Variants in DNAH2 observed in about 807,000 individuals in gnomAD.
DNAH2 encodes dynein axonemal heavy chain 2.
Under a neutral mutation model 523.5 loss-of-function variants are expected in DNAH2, and 323 were observed. The ratio of observed to expected loss-of-function variants is 0.62; its 90% CI spans 0.56 to 0.68. The LOEUF is 0.68. Among genes scored for constraint, DNAH2 ranks in the 30% least tolerant of loss-of-function variants. The pLI, the probability that DNAH2 is intolerant of heterozygous loss-of-function variation, is 0.00. For synonymous variants in DNAH2, 2,093 were observed against 2,177.4 expected, an observed-to-expected ratio of 0.96 and a Z score of 1.08; for missense variants, 4,907 against 5,701.5, an observed-to-expected ratio of 0.86 and a Z score of 4.49.
chr17:7,742,860 C>T, intron 11 of DNAH2, 68 bp from the exon 12 acceptor site: 1 of 1,217,062 alleles, frequency 8.2e-7, no homozygotes, highest in Admixed American at 3.3e-5. Context: ...GTGTAGGTCT[C>T]AGGGAGATGG....
chr17:7,821,173 A>G lies in DNAH2; in HGVS notation c.11016-70A>G. The G allele has an allele frequency of 1.3e-6, 2 of 1,563,626 alleles. No individual in the cohort carries two copies. The highest frequency in any genetic ancestry group is 1.7e-6 in the Non-Finnish European group (2 of 1,150,540). On this transcript the variant is annotated intron_variant, in intron 72 of 85. Transcript: ENST00000572933. This position sits in a 1 kb window ranked among gnomAD's most constrained non-coding sequence, Gnocchi z 5.0. ...TGTGAAGCTGTGTGATAGTAGCATC[A>G]TAGCATTCGCATGGAGCATCAGCCC...
chr17:7,760,077 G>T lies in DNAH2; in HGVS notation c.2785+139G>T, dbSNP rs2075963049. On this transcript the variant is annotated intron_variant, in intron 17 of 85. Coordinates refer to ENST00000572933, the MANE Select transcript of DNAH2 (RefSeq NM_020877.5). This position sits in a 1 kb window ranked among gnomAD's most constrained non-coding sequence, Gnocchi z 4.0. ...TGACCTGGGGAAAACTCAGGTCAAG[G>T]GGCCAGATCGGCTGGCACAGTGGCT... The T allele has an allele frequency of 7.6e-7, 1 of 1,312,812 alleles. No homozygotes were observed. Among genetic ancestry groups the T allele is most frequent in the Admixed American group, 1.9e-5 (1 of 52,738 alleles). 81.3% of individuals were successfully genotyped at this position (1,312,812 alleles called of 1,614,324 possible).
intron 48 of DNAH2, 97 bp from the exon 49 acceptor site, chr17:7,794,156 CA>C: frequency 1.3e-6 from 1 of 785,358 alleles, no homozygotes; most frequent in South Asian, 2.1e-5. Flanking sequence ...TCCCTCCTCG[CA>C]CTGTTTTCCT....
At chr17:7,744,611 G>A (rs1380760122) in intron 12 of DNAH2, among the ~76,000 whole-genome samples, 7 of 152,162 alleles carry the variant, frequency 4.6e-5, no homozygotes, top group Non-Finnish European at 2.9e-5. Context: ...TGGCTAGGTC[G>A]AGAGGTTTGA....
Position 7,832,464 on chromosome 17 carries a change from G to C in DNAH2, c.12727-115G>C, listed in dbSNP as rs933570947. On this transcript the variant is annotated intron_variant, in intron 82 of 85. Transcript: ENST00000572933. The surrounding 1 kb of genome is among the most constrained non-coding windows in gnomAD (Gnocchi z 4.3). ...GTGGAGGTTGCAGTGAGCCAAGATC[G>C]TACCACTGCACTCCAGCCTGGGGGA... 3.9e-6 allele frequency: 5 copies of C among 1,286,818 alleles called. No homozygotes were observed. In the Admixed American group the frequency reaches 1.0e-4, roughly 26 times the overall value. The allele number at this position is 1,286,818 out of a possible 1,614,324, so 79.7% of individuals were successfully genotyped here.
rs778841996 is a variant in DNAH2 at position 7,784,434 on chromosome 17, T to C, written c.6130-1690T>C. Among the ~76,000 whole-genome samples, 81 of 152,148 alleles carry C rather than the reference T, an allele frequency of 5.3e-4. 1 individual carries two copies. Among genetic ancestry groups the C allele is most frequent in the Admixed American group, 6.5e-4 (10 of 15,278 alleles). On this transcript the variant is annotated intron_variant, in intron 39 of 85. Coordinates refer to ENST00000572933, the MANE Select transcript of DNAH2 (RefSeq NM_020877.5). ...GGCTCATGCCTGTAGCCCCAGGACT[T>C]TGGGAGGCCAAGGTGGGAGGATTAC...
Position 7,818,958 on chromosome 17 carries a change from GC to G in DNAH2, c.10711del (p.Gln3571SerfsTer3). On this transcript the variant is annotated frameshift_variant, in exon 71 of 86. Coordinates refer to ENST00000572933, the MANE Select transcript of DNAH2 (RefSeq NM_020877.5). LOFTEE classifies it high-confidence loss of function. ...EATGSLLDDV[Q>X]LVNTLHTSKI... ...CCACCGGCTCCCTGCTGGATGATGT[GC>G]AGCTGGTGAACACGCTGCATACCTC... 6.2e-7 allele frequency: 1 copy of G among 1,612,434 alleles called. No homozygotes were observed. Among genetic ancestry groups the G allele is most frequent in the Non-Finnish European group, 8.5e-7 (1 of 1,179,906 alleles).
At chr17:7,740,305 T>C in intron 9 of DNAH2, 115 bp from the exon 10 acceptor site, 3 of 1,485,740 alleles carry the variant, frequency 2.0e-6, no homozygotes. Context: ...GTACTTGGAG[T>C]GCCTGGCACA....
Position 7,770,446 on chromosome 17 carries a change from G to A in DNAH2, c.4098+38G>A, listed in dbSNP as rs770716515. ...CCTCCCATGCTCCCACACCTCCTGCGCCTCCTGGAGCACAGGCTCCAGCTG... is the reference window on the plus strand; with the variant it reads ...CCTCCCATGCTCCCACACCTCCTGCACCTCCTGGAGCACAGGCTCCAGCTG... On this transcript the variant is annotated intron_variant, in intron 25 of 85. Coordinates refer to ENST00000572933, the MANE Select transcript of DNAH2 (RefSeq NM_020877.5). 6.7e-5 allele frequency: 108 copies of A among 1,611,704 alleles called. 1 individual carries two copies. Among genetic ancestry groups the A allele is most frequent in the South Asian group, 5.3e-4 (48 of 90,808 alleles).
intron 49 of DNAH2, 136 bp from the exon 50 acceptor site, chr17:7,796,328 C>A: frequency 1.1e-6 from 1 of 931,440 alleles, no homozygotes; most frequent in Non-Finnish European, 1.6e-6. Flanking sequence ...GGATTACAGG[C>A]ATGAGCCACC....
chr17:7,788,077 C>A lies in DNAH2; in HGVS notation c.6742-9C>A. 1 of 1,613,936 alleles carries A rather than the reference C, an allele frequency of 6.2e-7. No homozygotes were observed. The highest frequency in any genetic ancestry group is 1.3e-5 in the African/African-American group (1 of 75,044). On this transcript the variant is annotated splice_polypyrimidine_tract_variant and intron_variant, in intron 43 of 85. Coordinates refer to ENST00000572933, the MANE Select transcript of DNAH2 (RefSeq NM_020877.5). ...GGTGAATGAAGAGCCCCTTCTTATT[C>A]AACTCCAGGCTGAGGTGGAGCCCCT...
Position 7,816,639 on chromosome 17 carries a change from C to T in DNAH2, c.9798C>T (p.Arg3266=). ...AGCTGGCACAGAAGGAGGAGCTTCG[C>T]AAGAAGTCTGAAGAGATGGAGCTGA... ...DEKLAQKEEL[R]KKSEEMELKL... The change falls in exon 64 of 86, where the codon CGC becomes CGT. Residue 3266 remains arginine, a synonymous_variant. Coordinates refer to ENST00000572933, the MANE Select transcript of DNAH2 (RefSeq NM_020877.5). 6.2e-7 allele frequency: 1 copy of T among 1,614,232 alleles called. No individual in the cohort carries two copies. The highest frequency in any genetic ancestry group is 2.2e-5 in the East Asian group (1 of 44,886).
chr17:7,799,697 A>G (rs1482631295), intron 56 of DNAH2, among the ~76,000 whole-genome samples: 1 of 152,150 alleles, frequency 6.6e-6, no homozygotes. Flanking sequence ...GGGCGCCTGT[A>G]GTCCCAGCTA....
chr17:7,732,667 A>T (rs1255567138), intron 4 of DNAH2, among the ~76,000 whole-genome samples: 1 of 152,202 alleles, frequency 6.6e-6, no homozygotes, highest in African/African-American at 2.4e-5. Flanking sequence ...GGAGAAATAT[A>T]TGCAACCAAA....
chr17:7,787,138 G>C (rs965713110), intron 42 of DNAH2, 105 bp downstream of exon 42: 72 of 1,425,610 alleles, frequency 5.1e-5, no homozygotes, highest in Non-Finnish European at 6.4e-5. Context: ...GGCAGGTTCT[G>C]TGGGAGAGAG....
intron 44 of DNAH2, among the ~76,000 whole-genome samples, chr17:7,789,579 CT>C (rs58735826): frequency 7.2e-4 from 101 of 140,632 alleles, no homozygotes; most frequent in Middle Eastern, 3.6e-3. Flanking sequence ...GAGGAATACT[CT>C]TTTTTTTTTT....
chr17:7,733,897 G>A (rs896966828), intron 5 of DNAH2, among the ~76,000 whole-genome samples: 12 of 152,328 alleles, frequency 7.9e-5, no homozygotes, highest in African/African-American at 2.9e-4. Context: ...TATAGGTGCT[G>A]TGGGGACACT....
Position 7,818,923 on chromosome 17 carries a change from C to T in DNAH2, c.10675C>T (p.Leu3559=). The T allele has an allele frequency of 1.9e-6, 3 of 1,611,690 alleles. No homozygotes were observed. Among genetic ancestry groups the T allele is most frequent in the Non-Finnish European group, 2.5e-6 (3 of 1,179,004 alleles). The change falls in exon 71 of 86, where the codon CTG becomes TTG. Residue 3559 remains leucine (L), a synonymous_variant. Coordinates refer to ENST00000572933, the MANE Select transcript of DNAH2 (RefSeq NM_020877.5). ...TGCCTCTGGGCCTCCCCCTAGGCTGCTGAATGAGGCCACCGGCTCCCTGCT... is the reference window on the plus strand; with the variant it reads ...TGCCTCTGGGCCTCCCCCTAGGCTGTTGAATGAGGCCACCGGCTCCCTGCT... ...KELEDEILRL[L]NEATGSLLDD...
chr17:7,755,925 G>A (rs958722082), intron 12 of DNAH2, among the ~76,000 whole-genome samples: 2 of 151,672 alleles, frequency 1.3e-5, no homozygotes, highest in African/African-American at 4.8e-5. Flanking sequence ...TCAGCCTCCT[G>A]ACTGATATCT....
Sources: gnomAD v4.1 joint callset for allele counts (sites outside exome capture counted in the v4.1 genomes callset) on GRCh38, gnomAD v4.1.1 for gene constraint, Gnocchi (gnomAD v3.1) non-coding constraint, MANE v1.5 for transcripts, NCBI Gene and HGNC (gene_info 2026-07-23, HGNC 2026-07-21) for gene names.